NTN4: variants seen among roughly 807,000 people sequenced by gnomAD.
The protein encoded by NTN4 is netrin-4.
NTN4 carries 32 observed loss-of-function variants against 73.6 expected under a neutral mutation model. That is an observed-to-expected ratio of 0.44 (90% CI 0.33 to 0.58). The LOEUF is 0.58. NTN4 is among the 20% of genes least tolerant of loss of function. NTN4 has a pLI of 0.04. For synonymous variants in NTN4, 258 were observed against 287.5 expected (o/e 0.90, Z 1.04); for missense variants, 654 against 798.3 (o/e 0.82, Z 2.18).
At chr12:95,711,500 T>G (rs1376988154) in intron 4 of NTN4, among the ~76,000 whole-genome samples, 1 of 152,206 alleles carries the variant, frequency 6.6e-6, no homozygotes, top group Non-Finnish European at 1.5e-5. Flanking sequence ...GATGTAGGCA[T>G]GAATTCATGC....
chr12:95,753,963 G>A (rs372458474), intron 2 of NTN4, among the ~76,000 whole-genome samples: 1 of 152,076 alleles, frequency 6.6e-6, no homozygotes. Context: ...CCCTGCTCTT[G>A]TTTACACTGC....
intron 7 of NTN4, among the ~76,000 whole-genome samples, chr12:95,675,566 C>A (rs2078267038): frequency 6.6e-6 from 1 of 151,518 alleles, no homozygotes; most frequent in African/African-American, 2.4e-5. Context: ...AAGCACATAG[C>A]AATATTAGAT....
intron 7 of NTN4, among the ~76,000 whole-genome samples, chr12:95,674,599 A>G (rs1293054467): frequency 2.0e-5 from 3 of 152,294 alleles, no homozygotes; most frequent in South Asian, 2.1e-4. Context: ...TACATCTGGT[A>G]TAAGAAGTGG....
rs2079201520 is a variant in NTN4 at position 95,790,526 on chromosome 12, C to A, written c.-217G>T. On this transcript the variant is annotated 5_prime_UTR_variant, in exon 1 of 10. Transcript: ENST00000343702. The surrounding 1 kb of genome is among the most constrained non-coding windows in gnomAD (Gnocchi z 6.5). ...GGGTGACCCTCGCGCACCGGCCTGG[C>A]GGGTCCCGGGCACCTGGGGGGCGGC... 1 of 374,196 alleles carries A rather than the reference C, an allele frequency of 2.7e-6. No individual in the cohort carries two copies. Among genetic ancestry groups the A allele is most frequent in the Non-Finnish European group, 4.7e-6 (1 of 211,168 alleles). The allele number at this position is 374,196 out of a possible 1,614,324, so 23.2% of individuals were successfully genotyped here.
chr12:95,724,861 T>C (rs2078680366), intron 3 of NTN4, among the ~76,000 whole-genome samples: 1 of 152,162 alleles, frequency 6.6e-6, no homozygotes, highest in African/African-American at 2.4e-5. Flanking sequence ...TCAGTCTTGT[T>C]TTCATAACTT....
intron 9 of NTN4, among the ~76,000 whole-genome samples, chr12:95,661,263 C>T (rs2078135835): frequency 6.6e-6 from 1 of 152,152 alleles, no homozygotes; most frequent in Non-Finnish European, 1.5e-5. Context: ...ACAGTAAGAA[C>T]TGTATTTCAT....
intron 3 of NTN4, among the ~76,000 whole-genome samples, chr12:95,736,738 T>C (rs1453997911): frequency 6.6e-6 from 1 of 152,200 alleles, no homozygotes; most frequent in Non-Finnish European, 1.5e-5. Context: ...GAGCCTGGAT[T>C]AACTTCTACA....
intron 5 of NTN4, among the ~76,000 whole-genome samples, chr12:95,705,647 C>T (rs1418881206): frequency 2.0e-5 from 3 of 152,194 alleles, no homozygotes; most frequent in African/African-American, 7.2e-5. Context: ...TCTCAAAACT[C>T]AGAACACTCC....
chr12:95,734,852 C>T (rs1368746592), intron 3 of NTN4, among the ~76,000 whole-genome samples: 1 of 152,112 alleles, frequency 6.6e-6, no homozygotes, highest in Non-Finnish European at 1.5e-5. Flanking sequence ...CCAGCCTGAC[C>T]AACATGGAGA....
intron 3 of NTN4, among the ~76,000 whole-genome samples, chr12:95,719,219 C>T (rs1269129898): frequency 6.6e-6 from 1 of 152,092 alleles, no homozygotes; most frequent in Non-Finnish European, 1.5e-5. Flanking sequence ...GCTACTGTGT[C>T]ATTATTATTT....
rs1366630122 is a variant in NTN4, at chr12:95,659,127, C to CT, written c.1845_1846insA (p.Gly616ArgfsTer33). ...TTTAAAATATCCATGACTTTTCTTC[C>CT]AAGAGAAGGTTTCCAGTGCTGGACA... is the stretch of plus-strand genomic sequence containing the variant. On this transcript the variant is annotated frameshift_variant, in exon 10 of 10. Coordinates refer to ENST00000343702, the MANE Select transcript of NTN4 (RefSeq NM_021229.4). LOFTEE classifies it high-confidence loss of function. 6.2e-7 allele frequency: 1 copy of CT among 1,613,524 alleles called. No homozygotes were observed. Among genetic ancestry groups the CT allele is most frequent in the Admixed American group, 1.7e-5 (1 of 59,954 alleles).
intron 5 of NTN4, among the ~76,000 whole-genome samples, chr12:95,704,562 A>G (rs1366979903): frequency 6.6e-6 from 1 of 152,234 alleles, no homozygotes; most frequent in Non-Finnish European, 1.5e-5. Flanking sequence ...GGAGGGAATT[A>G]ATGATATGAA....
Position 95,670,215 on chromosome 12 carries a change from C to T in NTN4, c.1511-69G>A, listed in dbSNP as rs1189623303. 3 of 878,790 alleles carry T rather than the reference C, an allele frequency of 3.4e-6. No individual in the cohort carries two copies. In the South Asian group the frequency reaches 5.0e-5, roughly 15 times the overall value. 54.4% of individuals were successfully genotyped at this position (878,790 alleles called of 1,614,324 possible). ...AAAGAAAGAAAAAATAAGAGATCAG[C>T]AAGTGTATCCAGATAACACATCCCT... On this transcript the variant is annotated intron_variant, in intron 7 of 9. Transcript: ENST00000343702.
intron 3 of NTN4, among the ~76,000 whole-genome samples, chr12:95,713,726 A>G (rs546363953): frequency 2.0e-4 from 31 of 152,306 alleles, no homozygotes; most frequent in Admixed American, 2.0e-3. Flanking sequence ...GCAAAATGAC[A>G]TTAATATAAC....
rs763058375 is a variant in NTN4 at position 95,787,087 on chromosome 12, C to T, written c.437G>A (p.Arg146His). The T allele has an allele frequency of 1.2e-5, 20 of 1,614,202 alleles. No homozygotes were observed. Among genetic ancestry groups the T allele is most frequent in the South Asian group, 3.3e-5 (3 of 91,086 alleles). ...SPRPAAMVLD[R>H]SQDFGKTWKP... ...CCATGTTTTCCCAAAGTCCTGGGAG[C>T]GGTCCAGCACCATGGCAGCCGGCCT... is the stretch of plus-strand genomic sequence containing the variant. The change falls in exon 2 of 10, where the codon CGC (arginine) becomes CAC (histidine). Residue 146 changes from arginine to histidine, a missense_variant. Coordinates refer to ENST00000343702, the MANE Select transcript of NTN4 (RefSeq NM_021229.4).
At chr12:95,760,118 T>C (rs111968606) in intron 2 of NTN4, among the ~76,000 whole-genome samples, 1 of 152,340 alleles carries the variant, frequency 6.6e-6, no homozygotes, top group Non-Finnish European at 1.5e-5. Context: ...TTTGAGATCA[T>C]GTTCAGCTTT....
At chr12:95,720,590 G>A (rs557038962) in intron 3 of NTN4, among the ~76,000 whole-genome samples, 20 of 152,088 alleles carry the variant, frequency 1.3e-4, no homozygotes, top group South Asian at 4.2e-4. Flanking sequence ...TCAAGTTACC[G>A]AGCTTAGTCT....
intron 2 of NTN4, among the ~76,000 whole-genome samples, chr12:95,768,923 CT>C (rs1483331871): frequency 6.6e-6 from 1 of 152,116 alleles, no homozygotes; most frequent in East Asian, 1.9e-4. Flanking sequence ...AAACTCTCAG[CT>C]TTTTGCTTTG....
At chr12:95,731,715 C>A (rs1344464568) in intron 3 of NTN4, among the ~76,000 whole-genome samples, 1 of 152,054 alleles carries the variant, frequency 6.6e-6, no homozygotes, top group African/African-American at 2.4e-5. Context: ...TTTCCCCTCC[C>A]TCTCTTTTCT....
Sources: gnomAD v4.1 joint callset for allele counts (sites outside exome capture counted in the v4.1 genomes callset) on GRCh38, gnomAD v4.1.1 for gene constraint, Gnocchi (gnomAD v3.1) non-coding constraint, MANE v1.5 for transcripts, NCBI Gene and HGNC (gene_info 2026-07-23, HGNC 2026-07-21) for gene names.